Variants in ASB5 observed in about 807,000 individuals in gnomAD.
ASB5 encodes ankyrin repeat and SOCS box containing 5, also known as ankyrin repeat and SOCS box protein 5.
ASB5 carries 45 observed loss-of-function variants against 42.1 expected under a neutral mutation model. The ratio of observed to expected loss-of-function variants is 1.07; its 90% CI spans 0.84 to 1.37. The LOEUF is 1.37. Ranked by LOEUF, ASB5 falls within the 40% of genes most tolerant of loss-of-function variation. The probability of loss-of-function intolerance (pLI) is 0.00; values close to 1 mark genes in which losing one functional copy is unlikely to be tolerated. For missense variants in ASB5, 402 were observed against 399.8 expected (o/e 1.01, Z -0.05); for synonymous variants, 147 against 150.6 (o/e 0.98, Z 0.18).
chr4:176,229,911 G>C (rs1355361368), intron 1 of ASB5, among the ~76,000 whole-genome samples: 1 of 152,188 alleles, frequency 6.6e-6, no homozygotes, highest in African/African-American at 2.4e-5. Context: ...ATTCCTTGAA[G>C]AAGGGGGTGG....
chr4:176,230,314 T>C (rs1454609918), intron 1 of ASB5, among the ~76,000 whole-genome samples: 1 of 152,172 alleles, frequency 6.6e-6, no homozygotes, highest in Non-Finnish European at 1.5e-5. Context: ...TAAAATATTT[T>C]TGTGTGCTGT....
intron 5 of ASB5, among the ~76,000 whole-genome samples, chr4:176,219,975 A>G (rs1753156770): frequency 6.6e-6 from 1 of 152,152 alleles, no homozygotes; most frequent in Non-Finnish European, 1.5e-5. Flanking sequence ...AAGAAGAAGA[A>G]TTGTCTTGGG....
intron 1 of ASB5, among the ~76,000 whole-genome samples, chr4:176,251,894 C>T (rs1187355204): frequency 6.6e-6 from 1 of 151,176 alleles, no homozygotes; most frequent in Admixed American, 6.6e-5. Flanking sequence ...GGCTAGATCC[C>T]ATCTCCACAA....
chr4:176,265,298 C>A (rs1754335589), intron 1 of ASB5, among the ~76,000 whole-genome samples: 2 of 152,178 alleles, frequency 1.3e-5, no homozygotes, highest in Admixed American at 1.3e-4. Flanking sequence ...CCTGGAGTCA[C>A]CTCAAGCTCT....
chr4:176,228,968 GA>G lies in ASB5; in HGVS notation c.197-3628del, dbSNP rs760297326. On this transcript the variant is annotated intron_variant, in intron 1 of 6. Coordinates refer to ENST00000296525, the MANE Select transcript of ASB5 (RefSeq NM_080874.4). ...TTTTTGTGAACACTTAAATATTTAAGAAAATATGAAAATTATAATACTAACT... is the reference window on the plus strand; with the variant it reads ...TTTTTGTGAACACTTAAATATTTAAGAAATATGAAAATTATAATACTAACT... Among the ~76,000 whole-genome samples, 4 of 152,160 alleles carry G rather than the reference GA, an allele frequency of 2.6e-5. No homozygotes were observed. The East Asian group carries it at 7.7e-4, about 29-fold the overall frequency.
At position 176,225,275 on chromosome 4, in the gene ASB5, G is replaced by A; in HGVS notation, c.263C>T (p.Thr88Ile). The A allele has an allele frequency of 1.2e-6, 2 of 1,612,582 alleles. No homozygotes were observed. Among genetic ancestry groups the A allele is most frequent in the Non-Finnish European group, 1.7e-6 (2 of 1,178,662 alleles). Residue 88 changes from threonine (T) to isoleucine (I), a missense_variant, in exon 2 of 7, where the codon ACA becomes ATA. Physicochemically the swap from Thr to Ile is moderately conservative, Grantham distance 89 (BLOSUM62 -1). Coordinates refer to ENST00000296525, the MANE Select transcript of ASB5 (RefSeq NM_080874.4). ...GTAATATATTACCTGTGATAATAAT[G>A]TTCTCAGAGCAAGAAGGCGACCTTG... ...ASQGRLLALR[T>I]LLSQGYNVNA...
chr4:176,259,371 G>A (rs567733879), intron 1 of ASB5, among the ~76,000 whole-genome samples: 3 of 152,224 alleles, frequency 2.0e-5, no homozygotes, highest in South Asian at 2.1e-4. Flanking sequence ...GATGAATGAC[G>A]GAAACACCAT....
chr4:176,258,785 C>T (rs761861608), intron 1 of ASB5, among the ~76,000 whole-genome samples: 2 of 151,952 alleles, frequency 1.3e-5, no homozygotes, highest in Non-Finnish European at 2.9e-5. Flanking sequence ...TACAAAATCT[C>T]GATCACTGAA....
chr4:176,239,195 C>T (rs891616083), intron 1 of ASB5, among the ~76,000 whole-genome samples: 17 of 152,180 alleles, frequency 1.1e-4, no homozygotes, highest in Non-Finnish European at 5.9e-5. Context: ...AATTGTCATT[C>T]ACCACTGGCT....
Position 176,268,914 on chromosome 4 carries a change from T to C in ASB5, c.195A>G (p.Gln65=), listed in dbSNP as rs1754413823. Residue 65 remains glutamine, a splice_region_variant and synonymous_variant, in exon 1 of 7, where the codon CAA becomes CAG. Coordinates refer to ENST00000296525, the MANE Select transcript of ASB5 (RefSeq NM_080874.4). ...AAGAGAGGATTATCATAAACATACCTTGTCCTTGGGTTACTCCATAAAATT... is the reference window on the plus strand; with the variant it reads ...AAGAGAGGATTATCATAAACATACCCTGTCCTTGGGTTACTCCATAAAATT... The part of the protein sequence containing the change: ...AAEFYGVTQG[Q]GSWADRSPLH... The C allele has an allele frequency of 6.2e-7, 1 of 1,605,790 alleles. No homozygotes were observed. Among genetic ancestry groups the C allele is most frequent in the Admixed American group, 1.7e-5 (1 of 58,662 alleles).
intron 1 of ASB5, among the ~76,000 whole-genome samples, chr4:176,249,178 G>T (rs1029371539): frequency 6.6e-6 from 1 of 152,108 alleles, no homozygotes; most frequent in Non-Finnish European, 1.5e-5. Context: ...TCTTGGCCAG[G>T]CTGGTCTTGA....
At chr4:176,243,729 G>A (rs548476131) in intron 1 of ASB5, among the ~76,000 whole-genome samples, 14 of 152,096 alleles carry the variant, frequency 9.2e-5, no homozygotes, top group South Asian at 4.1e-4. Flanking sequence ...GTCTCGAACC[G>A]CTGAGCTCAA....
At chr4:176,228,367 C>T (rs17673171) in intron 1 of ASB5, among the ~76,000 whole-genome samples, 31,771 of 152,092 alleles carry the variant, frequency 0.21, 3,710 homozygotes, top group Non-Finnish European at 0.25. Flanking sequence ...TCCTTGAATA[C>T]GTCCCTGAAA....
chr4:176,245,199 A>T (rs1042707988), intron 1 of ASB5, among the ~76,000 whole-genome samples: 1 of 152,214 alleles, frequency 6.6e-6, no homozygotes, highest in Non-Finnish European at 1.5e-5. Flanking sequence ...TAAATTTATG[A>T]GAAAAAATCA....
intron 1 of ASB5, among the ~76,000 whole-genome samples, chr4:176,243,659 T>C (rs939546591): frequency 2.0e-5 from 3 of 152,060 alleles, no homozygotes; most frequent in Admixed American, 1.3e-4. Context: ...TGCGCCACTA[T>C]GCCTGGCTAA....
upstream of ASB5, among the ~76,000 whole-genome samples, chr4:176,272,941 C>CTTT (rs60310080): frequency 2.9e-4 from 32 of 110,962 alleles, no homozygotes; most frequent in East Asian, 5.5e-4. Flanking sequence ...CTTCGATGAC[C>CTTT]TTTTTTTTTT....
upstream of ASB5, among the ~76,000 whole-genome samples, chr4:176,272,416 T>C (rs956874923): frequency 6.6e-6 from 1 of 152,196 alleles, no homozygotes; most frequent in African/African-American, 2.4e-5. Context: ...CAACTCAGTA[T>C]TTTAATAAAA....
chr4:176,261,063 G>T (rs1258617292), intron 1 of ASB5, among the ~76,000 whole-genome samples: 2 of 152,204 alleles, frequency 1.3e-5, no homozygotes, highest in Non-Finnish European at 2.9e-5. Context: ...TTTGGAGGAA[G>T]AGGTGTTCCA....
chr4:176,223,794 C>T (rs538548472), intron 2 of ASB5, among the ~76,000 whole-genome samples: 52 of 152,310 alleles, frequency 3.4e-4, no homozygotes, highest in African/African-American at 1.2e-3. Context: ...GCTCTGGGGA[C>T]AGCCTCTCAT....
Sources: gnomAD v4.1 joint callset for allele counts (sites outside exome capture counted in the v4.1 genomes callset) on GRCh38, gnomAD v4.1.1 for gene constraint, MANE v1.5 for transcripts, NCBI Gene and HGNC (gene_info 2026-07-23, HGNC 2026-07-21) for gene names.